PAPOLA: variants seen among roughly 807,000 people sequenced by gnomAD.
PAPOLA encodes poly(A) polymerase alpha.
Under a neutral mutation model 100.6 loss-of-function variants are expected in PAPOLA, and 15 were observed. That is an observed-to-expected ratio of 0.15 (90% CI 0.10 to 0.23). PAPOLA has a LOEUF of 0.23. Ranked by LOEUF, PAPOLA falls within the 10% of genes least tolerant of loss-of-function variation. The pLI is 1.00. For synonymous variants in PAPOLA, 293 were observed against 300.0 expected, an observed-to-expected ratio of 0.98 and a Z score of 0.24; for missense variants, 533 against 884.2, an observed-to-expected ratio of 0.60 and a Z score of 5.04.
rs528146349 is a variant in PAPOLA, at chr14:96,504,309, T to C, written c.8+1709T>C. 2.6e-5 allele frequency: 4 copies of C among 152,370 alleles called. No homozygotes were observed. The South Asian group carries it at 8.3e-4, about 32-fold the overall frequency. The allele number at this position is 152,370 out of a possible 1,614,324, so 9.4% of individuals were successfully genotyped here. On this transcript the variant is annotated intron_variant, in intron 1 of 21. Transcript: ENST00000216277. ...TTTCTAGGAATTAAAAGTACTTTTA[T>C]ACCTACTTTCCCCCAACATTCTTTG...
At chr14:96,544,030 A>G (rs983796283) in intron 14 of PAPOLA, 119 bp from the exon 15 acceptor site, 1 of 643,018 alleles carries the variant, frequency 1.6e-6, no homozygotes, top group Admixed American at 2.8e-5. Flanking sequence ...TGGGCTTAGA[A>G]CTTTTAGTTT....
Position 96,537,067 on chromosome 14 carries a change from A to AT in PAPOLA, c.1115+11dup. On this transcript the variant is annotated splice_region_variant and intron_variant, in intron 12 of 21. Transcript: ENST00000216277. ...ACTTCTTTCAAAAGTACAAGTATGT[A>AT]TTTTAAGGCATGTCGGACATGTTGC... 1 of 1,488,682 alleles carries AT rather than the reference A, an allele frequency of 6.7e-7. No individual in the cohort carries two copies. The allele number at this position is 1,488,682 out of a possible 1,614,324, so 92.2% of individuals were successfully genotyped here.
chr14:96,512,679 T>C (rs1012052985), intron 1 of PAPOLA, among the ~76,000 whole-genome samples: 3 of 152,232 alleles, frequency 2.0e-5, no homozygotes, highest in African/African-American at 7.2e-5. Flanking sequence ...CTGCTAAACA[T>C]ACTATCTCAT....
chr14:96,534,360 A>T, intron 9 of PAPOLA, 131 bp from the exon 10 acceptor site: 2 of 1,478,564 alleles, frequency 1.4e-6, no homozygotes, highest in Non-Finnish European at 1.8e-6. Context: ...GTCAGAAAGG[A>T]TTAAAACGTT....
intron 21 of PAPOLA, among the ~76,000 whole-genome samples, chr14:96,564,308 T>G (rs1902107957): frequency 6.6e-6 from 1 of 152,096 alleles, no homozygotes; most frequent in African/African-American, 2.4e-5. Context: ...AGCTGGGTAA[T>G]GAATACATGG....
At chr14:96,561,721 T>C (rs1469437459) in intron 20 of PAPOLA, among the ~76,000 whole-genome samples, 1 of 152,180 alleles carries the variant, frequency 6.6e-6, no homozygotes, top group African/African-American at 2.4e-5. Flanking sequence ...TATCTTAAAG[T>C]TTGGTATACA....
intron 1 of PAPOLA, among the ~76,000 whole-genome samples, chr14:96,511,768 G>A (rs1897124476): frequency 6.6e-6 from 1 of 152,174 alleles, no homozygotes; most frequent in Non-Finnish European, 1.5e-5. Flanking sequence ...TGTACTTTCT[G>A]ACAAAAGGTA....
In PAPOLA at chr14:96,552,835, G is replaced by A. The variant is rs998238008; in HGVS notation, c.1664+213G>A. Reference sequence around the variant, plus strand: ...ACATTTTATTTTTGAGACTGATAATGTCTTCAGTCAGATGTGAATGAATGT... The same window carrying A: ...ACATTTTATTTTTGAGACTGATAATATCTTCAGTCAGATGTGAATGAATGT... On this transcript the variant is annotated intron_variant, in intron 17 of 21. Transcript: ENST00000216277. 13 of 523,242 alleles carry A rather than the reference G, an allele frequency of 2.5e-5. 1 individual carries two copies. Among genetic ancestry groups the A allele is most frequent in the African/African-American group, 1.7e-4 (9 of 52,054 alleles). 32.4% of individuals were successfully genotyped at this position (523,242 alleles called of 1,614,324 possible).
chr14:96,535,330 C>G (rs141044061), intron 10 of PAPOLA: 20 of 984,914 alleles, frequency 2.0e-5, no homozygotes, highest in Middle Eastern at 5.2e-4. Flanking sequence ...TTACAACTTA[C>G]TTTGTGGAAA....
chr14:96,531,149 C>A lies in PAPOLA; in HGVS notation c.496-326C>A, dbSNP rs538619673. Among the ~76,000 whole-genome samples, 5 of 152,068 alleles carry A rather than the reference C, an allele frequency of 3.3e-5. No homozygotes were observed. The South Asian group carries it at 1.0e-3, about 32-fold the overall frequency. ...CCCCAGTAACTGGGACTACAGGTGC[C>A]CACCACCATGCCCGGCTAATTTTTT... On this transcript the variant is annotated intron_variant, in intron 6 of 21. Transcript: ENST00000216277.
intron 9 of PAPOLA, chr14:96,534,139 A>G: frequency 1.9e-6 from 2 of 1,040,972 alleles, no homozygotes; most frequent in Non-Finnish European, 2.3e-6. Context: ...AACTAGTATA[A>G]AGGCAGGAAT....
chr14:96,541,183 C>T (rs1188531639), intron 12 of PAPOLA, among the ~76,000 whole-genome samples: 6 of 152,268 alleles, frequency 3.9e-5, no homozygotes, highest in Admixed American at 6.5e-5. Context: ...CCACCACACC[C>T]GGCTGAAACC....
intron 15 of PAPOLA, 26 bp from the exon 16 acceptor site, chr14:96,547,771 C>T (rs1566860161): frequency 1.3e-6 from 2 of 1,556,804 alleles, no homozygotes; most frequent in Non-Finnish European, 1.7e-6. Flanking sequence ...GTTTCTATTT[C>T]TTGTAACAAT....
intron 10 of PAPOLA, chr14:96,535,268 G>A: frequency 1.0e-6 from 1 of 957,938 alleles, no homozygotes; most frequent in Non-Finnish European, 1.2e-6. Flanking sequence ...ATCAAGCTAT[G>A]CATTTTCAGG....
chr14:96,547,720 A>G, intron 15 of PAPOLA, 77 bp from the exon 16 acceptor site: 1 of 1,113,232 alleles, frequency 9.0e-7, no homozygotes, highest in South Asian at 1.6e-5. Flanking sequence ...CCCTACTTAG[A>G]ATAGTTTCTC....
chr14:96,508,127 T>C (rs1484582057), intron 1 of PAPOLA, among the ~76,000 whole-genome samples: 5 of 152,038 alleles, frequency 3.3e-5, no homozygotes, highest in Admixed American at 6.5e-5. Flanking sequence ...CTGCCTGCCT[T>C]GGCCTCCCAA....
Position 96,556,224 on chromosome 14 carries a change from TCCA to T in PAPOLA, c.1822_1824del (p.Pro608del). 6.2e-7 allele frequency: 1 copy of T among 1,614,100 alleles called. No individual in the cohort carries two copies. Among genetic ancestry groups the T allele is most frequent in the South Asian group, 1.1e-5 (1 of 91,078 alleles). ...AAACTGCCACACAACCAGCCATTTC[TCCA>T]CCACCAAAGCCTACGGTCTCCAGAG... On this transcript the variant is annotated inframe_deletion, in exon 19 of 22. Coordinates refer to ENST00000216277, the MANE Select transcript of PAPOLA (RefSeq NM_032632.5).
chr14:96,533,449 T>C (rs538405869), intron 9 of PAPOLA: 14 of 983,936 alleles, frequency 1.4e-5, no homozygotes, highest in Non-Finnish European at 1.7e-5. Context: ...AAAAAAAATT[T>C]AGAACCATGC....
At chr14:96,538,184 A>G (rs953329284) in intron 12 of PAPOLA, among the ~76,000 whole-genome samples, 1 of 152,020 alleles carries the variant, frequency 6.6e-6, no homozygotes, top group African/African-American at 2.4e-5. Context: ...AAAGAGACAC[A>G]GTTACATGTA....
Sources: allele counts gnomAD v4.1 joint callset (sites outside exome capture counted in the v4.1 genomes callset), GRCh38; gene constraint gnomAD v4.1.1; transcripts MANE v1.5; gene names NCBI Gene and HGNC (gene_info 2026-07-23, HGNC 2026-07-21).